AFF3: variants seen among roughly 807,000 people sequenced by gnomAD.
AFF3 encodes the protein AF4/FMR2 family member 3.
In AFF3, 32 loss-of-function variants were observed where a neutral mutation model predicts 129.7. The observed-to-expected ratio is 0.25, with a 90% CI of 0.19 to 0.33. The LOEUF is 0.33. Among genes scored for constraint, AFF3 ranks in the 10% least tolerant of loss-of-function variants. The probability of loss-of-function intolerance (pLI) is 1.00; values close to 1 mark genes in which losing one functional copy is unlikely to be tolerated. For synonymous variants in AFF3, 644 were observed against 635.4 expected (o/e 1.01, Z -0.20); for missense variants, 1,373 against 1,592.0 (o/e 0.86, Z 2.34).
At chr2:99,618,392 T>C (rs974704718) in intron 13 of AFF3, among the ~76,000 whole-genome samples, 10 of 151,898 alleles carry the variant, frequency 6.6e-5, no homozygotes, top group Admixed American at 1.3e-4. Flanking sequence ...CTCGCCATCA[T>C]ACCCAGCTAA....
intron 8 of AFF3, among the ~76,000 whole-genome samples, chr2:99,821,787 A>G (rs991017515): frequency 5.3e-5 from 8 of 152,138 alleles, no homozygotes; most frequent in Non-Finnish European, 7.3e-5. Flanking sequence ...GATGACCAAA[A>G]CATTGTTATG....
intron 13 of AFF3, among the ~76,000 whole-genome samples, chr2:99,616,247 C>G (rs60894474): frequency 1.3e-5 from 2 of 152,054 alleles, no homozygotes; most frequent in African/African-American, 4.8e-5. Flanking sequence ...ATTTTCAGTT[C>G]GAGGAGGCCT....
intron 7 of AFF3, among the ~76,000 whole-genome samples, chr2:99,845,598 A>C (rs1385224337): frequency 2.0e-5 from 3 of 152,180 alleles, no homozygotes; most frequent in Admixed American, 6.5e-5. Flanking sequence ...ACCATGTTAC[A>C]GGGCTTCCCA....
At chr2:99,894,029 A>G (rs532962110) in intron 7 of AFF3, among the ~76,000 whole-genome samples, 1 of 152,212 alleles carries the variant, frequency 6.6e-6, no homozygotes, top group South Asian at 2.1e-4. Flanking sequence ...GAGGTTGCAA[A>G]TTTCTTTTTT....
At chr2:100,031,571 G>A (rs1684497249) in intron 4 of AFF3, among the ~76,000 whole-genome samples, 1 of 152,128 alleles carries the variant, frequency 6.6e-6, no homozygotes, top group Non-Finnish European at 1.5e-5. Flanking sequence ...GGGCCACTTG[G>A]AAAAATGGCT....
In AFF3 at chr2:99,965,262, G is replaced by C. The variant is rs150925228; in HGVS notation, c.873+41370C>G. On this transcript the variant is annotated intron_variant, in intron 7 of 24. Transcript: ENST00000672756. ...CATGTGGCTCAGAAGGATGGTTGAA[G>C]AAACCATGCTAACAAAGAAACAAAG... Among the ~76,000 whole-genome samples, 317 of 152,286 alleles carry C rather than the reference G, an allele frequency of 2.1e-3. 2 individuals are homozygous for C. Among genetic ancestry groups the C allele is most frequent in the African/African-American group, 7.4e-3 (307 of 41,558 alleles).
intron 8 of AFF3, among the ~76,000 whole-genome samples, chr2:99,814,772 A>T (rs1363461499): frequency 6.6e-6 from 1 of 152,062 alleles, no homozygotes; most frequent in Non-Finnish European, 1.5e-5. Flanking sequence ...ATTACAGCCC[A>T]AAGAAGGCCC....
At chr2:99,809,392 G>A (rs1011226888) in intron 8 of AFF3, among the ~76,000 whole-genome samples, 3 of 152,222 alleles carry the variant, frequency 2.0e-5, no homozygotes, top group Non-Finnish European at 4.4e-5. Context: ...GCAGTGGGGA[G>A]GGGGCACAGG....
chr2:100,068,490 A>C (rs1257115065), intron 4 of AFF3, among the ~76,000 whole-genome samples: 1 of 152,170 alleles, frequency 6.6e-6, no homozygotes, highest in Non-Finnish European at 1.5e-5. Context: ...CAATTATCCT[A>C]AAGTAGGAAA....
intron 4 of AFF3, among the ~76,000 whole-genome samples, chr2:100,071,558 C>T (rs1217882093): frequency 6.6e-6 from 1 of 152,082 alleles, no homozygotes; most frequent in Non-Finnish European, 1.5e-5. Context: ...CTGTGAGGCC[C>T]CTGGTCTGTA....
intron 13 of AFF3, among the ~76,000 whole-genome samples, chr2:99,648,885 G>GCACACACACACA (rs1185084808): frequency 1.1e-5 from 1 of 93,800 alleles, no homozygotes; most frequent in Non-Finnish European, 2.1e-5. Flanking sequence ...AAACACGCGC[G>GCACACACACACA]CACACACACA....
intron 7 of AFF3, among the ~76,000 whole-genome samples, chr2:99,866,997 TAATAAA>T (rs1260896433): frequency 0.021 from 2,311 of 112,220 alleles, 81 homozygotes; most frequent in African/African-American, 0.068. Context: ...ATAATAATAA[TAATAAA>T]AAATAAATAA....
At chr2:99,668,708 A>AG (rs201442154) in intron 12 of AFF3, among the ~76,000 whole-genome samples, 9,012 of 151,900 alleles carry the variant, frequency 0.059, 876 homozygotes, top group African/African-American at 0.2. Context: ...GATTACAGGC[A>AG]CATGCACCAC....
At position 99,747,321 on chromosome 2, in the gene AFF3, C is replaced by T. The variant is rs112427142; in HGVS notation, c.1003-3181G>A. Among the ~76,000 whole-genome samples, 988 of 151,912 alleles carry T rather than the reference C, an allele frequency of 6.5e-3. 7 individuals are homozygous for T. The highest frequency in any genetic ancestry group is 0.022 in the African/African-American group (927 of 41,402). The stretch of plus-strand genomic sequence containing the variant: ...CTGGGATTACAGGCTTGAGCCACTG[C>T]GCCCGGCCTATCTTATTTATTTTTT... On this transcript the variant is annotated intron_variant, in intron 9 of 24. Transcript: ENST00000672756.
At chr2:99,857,669 T>C (rs1214111798) in intron 7 of AFF3, among the ~76,000 whole-genome samples, 1 of 152,228 alleles carries the variant, frequency 6.6e-6, no homozygotes, top group East Asian at 1.9e-4. Flanking sequence ...TGTCTGATGG[T>C]GAAGGATCCC....
intron 4 of AFF3, among the ~76,000 whole-genome samples, chr2:100,094,481 C>T (rs990071052): frequency 3.3e-5 from 5 of 152,016 alleles, no homozygotes; most frequent in East Asian, 1.9e-4. Flanking sequence ...TGACGGGAGG[C>T]GGAGATCAGG....
intron 4 of AFF3, among the ~76,000 whole-genome samples, chr2:100,090,960 G>A (rs1027962174): frequency 1.3e-5 from 2 of 152,212 alleles, no homozygotes; most frequent in African/African-American, 4.8e-5. Context: ...AAAGTGCTGG[G>A]ATTACAGGCG....
chr2:99,592,369 G>C (rs1348769502), intron 15 of AFF3, among the ~76,000 whole-genome samples: 1 of 152,134 alleles, frequency 6.6e-6, no homozygotes, highest in East Asian at 1.9e-4. Flanking sequence ...AATGCTAACA[G>C]AAGCAACAGC....
At chr2:99,780,126 C>T (rs1684276878) in intron 8 of AFF3, among the ~76,000 whole-genome samples, 1 of 152,162 alleles carries the variant, frequency 6.6e-6, no homozygotes, top group Non-Finnish European at 1.5e-5. Context: ...TCTCCAAACA[C>T]TCTCCCTTGA....
Sources: allele counts gnomAD v4.1 joint callset (sites outside exome capture counted in the v4.1 genomes callset), GRCh38; gene constraint gnomAD v4.1.1; transcripts MANE v1.5; gene names NCBI Gene and HGNC (gene_info 2026-07-23, HGNC 2026-07-21).